PACRG: variants seen among roughly 807,000 people sequenced by gnomAD.
The protein encoded by PACRG is parkin coregulated, also known as parkin coregulated gene protein.
Under a neutral mutation model 29.7 loss-of-function variants are expected in PACRG, and 29 were observed. The observed-to-expected ratio is 0.98, with a 90% CI of 0.73 to 1.33. The LOEUF (loss-of-function observed/expected upper bound fraction) is 1.33. PACRG is among the 40% of genes most tolerant of loss of function. The probability of loss-of-function intolerance (pLI) is 0.00; values close to 1 mark genes in which losing one functional copy is unlikely to be tolerated. For synonymous variants in PACRG, 116 were observed against 118.7 expected (o/e 0.98, Z 0.15); for missense variants, 279 against 316.2 (o/e 0.88, Z 0.89).
At chr6:163,222,350 C>T (rs557530056) in intron 4 of PACRG, among the ~76,000 whole-genome samples, 7 of 152,184 alleles carry the variant, frequency 4.6e-5, no homozygotes, top group Admixed American at 2.0e-4. Flanking sequence ...GAGGCCGAGG[C>T]GGGTGGATCC....
At chr6:162,820,154 A>G (rs751104363) in intron 2 of PACRG, among the ~76,000 whole-genome samples, 3 of 152,204 alleles carry the variant, frequency 2.0e-5, no homozygotes, top group Admixed American at 6.5e-5. Flanking sequence ...GCACTTGAAC[A>G]CCCAAGTAAA....
intron 4 of PACRG, among the ~76,000 whole-genome samples, chr6:163,299,881 A>AAAAC (rs1053432967): frequency 2.6e-5 from 4 of 152,204 alleles, no homozygotes; most frequent in Non-Finnish European, 5.9e-5. Context: ...TCCGTCTCAA[A>AAAAC]AAACAAACAA....
chr6:163,191,804 C>A (rs1449670498), intron 4 of PACRG: 5 of 455,924 alleles, frequency 1.1e-5, no homozygotes, highest in Non-Finnish European at 2.2e-5. Context: ...TTTCCAGCCA[C>A]CTTTTTTCTC....
At chr6:163,147,607 C>G (rs1261930248) in intron 4 of PACRG, among the ~76,000 whole-genome samples, 1 of 152,220 alleles carries the variant, frequency 6.6e-6, no homozygotes, top group Non-Finnish European at 1.5e-5. Flanking sequence ...TCCCTCATAT[C>G]TCACTTTCCT....
intron 4 of PACRG, among the ~76,000 whole-genome samples, chr6:163,181,268 G>A (rs568838923): frequency 2.6e-5 from 4 of 152,258 alleles, no homozygotes; most frequent in East Asian, 1.9e-4. Context: ...TAAAGAATAC[G>A]TGATGCAACC....
intron 1 of PACRG, among the ~76,000 whole-genome samples, chr6:162,809,906 T>A (rs1318909369): frequency 6.6e-6 from 1 of 152,190 alleles, no homozygotes; most frequent in Admixed American, 6.5e-5. Flanking sequence ...CCCCAACATC[T>A]GCAGTGCCAG....
rs545434451 is a variant in PACRG at position 163,033,197 on chromosome 6, G to A, written c.292-28953G>A. Among the ~76,000 whole-genome samples, 25 of 152,244 alleles carry A rather than the reference G, an allele frequency of 1.6e-4. No homozygotes were observed. The Middle Eastern group carries it at 0.017, about 104-fold the overall frequency. On this transcript the variant is annotated intron_variant, in intron 2 of 4. Transcript: ENST00000366888. ...ACTAGTCTCAAATACATGTTATCCT[G>A]TTAACTCTTAGCAGCTTTTACTTTT...
chr6:162,822,012 C>CT (rs941118307), intron 2 of PACRG, among the ~76,000 whole-genome samples: 6 of 152,084 alleles, frequency 3.9e-5, no homozygotes, highest in Admixed American at 3.3e-4. Context: ...TTTTTGTTGT[C>CT]TTTTTTCTAC....
At chr6:162,784,106 A>G (rs1051522928) in intron 1 of PACRG, among the ~76,000 whole-genome samples, 1 of 152,222 alleles carries the variant, frequency 6.6e-6, no homozygotes, top group African/African-American at 2.4e-5. Context: ...TTCCCTAAGA[A>G]CAAGATGAAA....
At chr6:163,128,165 G>A (rs534751115) in intron 4 of PACRG, among the ~76,000 whole-genome samples, 11 of 152,340 alleles carry the variant, frequency 7.2e-5, no homozygotes, top group African/African-American at 2.6e-4. Flanking sequence ...AGGAAGTACA[G>A]CAAAAGCTTA....
intron 2 of PACRG, among the ~76,000 whole-genome samples, chr6:162,888,694 T>A (rs1156762598): frequency 2.6e-5 from 4 of 152,198 alleles, no homozygotes; most frequent in Non-Finnish European, 5.9e-5. Flanking sequence ...CTCCCCTGCC[T>A]GGGTCTGCAG....
chr6:163,291,291 G>C (rs1419249784), intron 4 of PACRG, among the ~76,000 whole-genome samples: 1 of 133,644 alleles, frequency 7.5e-6, no homozygotes, highest in Non-Finnish European at 1.6e-5. Flanking sequence ...GCTGGCCTGC[G>C]GGTCACCCTG....
intron 1 of PACRG, among the ~76,000 whole-genome samples, chr6:162,743,015 C>T (rs1475004015): frequency 6.6e-6 from 1 of 152,118 alleles, no homozygotes; most frequent in Non-Finnish European, 1.5e-5. Flanking sequence ...TCCCATTTTT[C>T]CACATCCCCA....
At chr6:162,786,895 A>G (rs981875653) in intron 1 of PACRG, among the ~76,000 whole-genome samples, 3 of 152,166 alleles carry the variant, frequency 2.0e-5, no homozygotes, top group African/African-American at 7.2e-5. Context: ...TTCATTTACA[A>G]AATCAAATGC....
chr6:162,780,547 ATAAATACAGCC>A (rs1316929089), intron 1 of PACRG, among the ~76,000 whole-genome samples: 1 of 152,208 alleles, frequency 6.6e-6, no homozygotes, highest in Non-Finnish European at 1.5e-5. Context: ...AAAGAAGGAA[ATAAATACAGCC>A]TAAAATAAAG....
chr6:163,212,057 T>C (rs1371277156), intron 4 of PACRG, among the ~76,000 whole-genome samples: 1 of 152,064 alleles, frequency 6.6e-6, no homozygotes, highest in East Asian at 1.9e-4. Context: ...GGCATCTGCA[T>C]TGGGATGAAG....
At chr6:162,895,563 A>G (rs971053035) in intron 2 of PACRG, among the ~76,000 whole-genome samples, 13 of 152,172 alleles carry the variant, frequency 8.5e-5, no homozygotes, top group Admixed American at 3.9e-4. Context: ...TACCTTCTTC[A>G]CCCAGCCCGA....
intron 4 of PACRG, among the ~76,000 whole-genome samples, chr6:163,181,850 G>A (rs548264895): frequency 5.3e-5 from 8 of 152,204 alleles, no homozygotes; most frequent in South Asian, 2.1e-4. Context: ...TCCAAGGCCC[G>A]GGAGGCGCGC....
chr6:162,891,260 C>G (rs936643032), intron 2 of PACRG, among the ~76,000 whole-genome samples: 2 of 152,140 alleles, frequency 1.3e-5, no homozygotes, highest in Non-Finnish European at 2.9e-5. Flanking sequence ...TCAGGCAGTG[C>G]AGAGAGACAG....
Sources: allele counts gnomAD v4.1 joint callset (sites outside exome capture counted in the v4.1 genomes callset), GRCh38; gene constraint gnomAD v4.1.1; transcripts MANE v1.5; gene names NCBI Gene and HGNC (gene_info 2026-07-23, HGNC 2026-07-21).